The following INPP4B variants were observed in gnomAD, a reference collection of about 807,000 sequenced individuals.
The protein encoded by INPP4B is inositol polyphosphate 4-phosphatase type II.
INPP4B carries 55 observed loss-of-function variants against 122.5 expected under a neutral mutation model. The ratio of observed to expected loss-of-function variants is 0.45; its 90% CI spans 0.36 to 0.56. The LOEUF is 0.56. Among genes scored for constraint, INPP4B ranks in the 20% least tolerant of loss-of-function variants. The pLI, the probability that INPP4B is intolerant of heterozygous loss-of-function variation, is 0.00. For missense variants in INPP4B, 1,000 were observed against 1,097.7 expected (o/e 0.91, Z 1.26); for synonymous variants, 403 against 388.7 (o/e 1.04, Z -0.43).
At chr4:142,481,769 G>A (rs1449490720) in intron 2 of INPP4B, among the ~76,000 whole-genome samples, 1 of 152,088 alleles carries the variant, frequency 6.6e-6, no homozygotes, top group African/African-American at 2.4e-5. Context: ...CCAATAGATG[G>A]TTCTGTGATA....
intron 2 of INPP4B, among the ~76,000 whole-genome samples, chr4:142,622,394 C>T (rs577977243): frequency 1.7e-4 from 26 of 151,502 alleles, no homozygotes; most frequent in Non-Finnish European, 2.5e-4. Context: ...CAGGTGCTCC[C>T]AACATCTCAG....
At chr4:142,271,451 A>G (rs1365101510) in intron 9 of INPP4B, among the ~76,000 whole-genome samples, 4 of 152,224 alleles carry the variant, frequency 2.6e-5, no homozygotes, top group African/African-American at 9.6e-5. Flanking sequence ...TGAGATACCT[A>G]TGTGTCTATC....
intron 2 of INPP4B, among the ~76,000 whole-genome samples, chr4:142,630,785 C>T (rs968079496): frequency 6.6e-6 from 1 of 152,094 alleles, no homozygotes; most frequent in Non-Finnish European, 1.5e-5. Context: ...GTACAGTACA[C>T]TTACCTACTA....
intron 11 of INPP4B, among the ~76,000 whole-genome samples, chr4:142,257,461 G>T (rs1736895304): frequency 6.6e-6 from 1 of 152,066 alleles, no homozygotes; most frequent in Non-Finnish European, 1.5e-5. Context: ...AAACCCCATG[G>T]TCTCAGCCCA....
chr4:142,337,653 T>C (rs2151634881), intron 7 of INPP4B, among the ~76,000 whole-genome samples: 1 of 146,218 alleles, frequency 6.8e-6, no homozygotes, highest in Admixed American at 6.9e-5. Flanking sequence ...CTCATCTTAA[T>C]TTGTAGGCAT....
intron 18 of INPP4B, among the ~76,000 whole-genome samples, chr4:142,130,828 C>A (rs951717811): frequency 1.3e-5 from 2 of 152,200 alleles, no homozygotes; most frequent in Non-Finnish European, 2.9e-5. Flanking sequence ...CAAAGGCAAC[C>A]TTCCCTCATG....
chr4:142,065,572 T>C (rs1763094111), intron 25 of INPP4B, among the ~76,000 whole-genome samples: 1 of 152,110 alleles, frequency 6.6e-6, no homozygotes, highest in African/African-American at 2.4e-5. Flanking sequence ...CTGGAAAATG[T>C]TATGCTAAAT....
intron 3 of INPP4B, among the ~76,000 whole-genome samples, chr4:142,462,433 T>G (rs1430703907): frequency 1.3e-5 from 2 of 152,218 alleles, no homozygotes; most frequent in African/African-American, 4.8e-5. Flanking sequence ...TCTTAACATT[T>G]CTGCCTAGGC....
intron 2 of INPP4B, among the ~76,000 whole-genome samples, chr4:142,703,173 T>C (rs1762036669): frequency 6.6e-6 from 1 of 152,220 alleles, no homozygotes; most frequent in African/African-American, 2.4e-5. Context: ...TTCAAGGCCA[T>C]TTTTATCCAT....
At chr4:142,284,073 C>T (rs1752419989) in intron 9 of INPP4B, among the ~76,000 whole-genome samples, 1 of 152,124 alleles carries the variant, frequency 6.6e-6, no homozygotes, top group South Asian at 2.1e-4. Context: ...CAATATGGAG[C>T]CATTACTGAT....
chr4:142,223,827 A>G (rs1561531769), intron 12 of INPP4B, among the ~76,000 whole-genome samples: 10 of 152,334 alleles, frequency 6.6e-5, no homozygotes, highest in Admixed American at 5.2e-4. Flanking sequence ...CCCTGATGTG[A>G]TATCTTTAAT....
At chr4:142,674,666 ACAGT>A (rs1371757122) in intron 2 of INPP4B, among the ~76,000 whole-genome samples, 1 of 152,194 alleles carries the variant, frequency 6.6e-6, no homozygotes, top group Non-Finnish European at 1.5e-5. Context: ...GGAAATTATA[ACAGT>A]CTCTCAGAAT....
chr4:142,253,004 T>C (rs749184045), intron 11 of INPP4B, among the ~76,000 whole-genome samples: 1 of 152,232 alleles, frequency 6.6e-6, no homozygotes, highest in Non-Finnish European at 1.5e-5. Flanking sequence ...GTATCGCCTA[T>C]TGCTCCTAGG....
At chr4:142,809,971 A>G (rs1580971641) in intron 1 of INPP4B, among the ~76,000 whole-genome samples, 1 of 152,050 alleles carries the variant, frequency 6.6e-6, no homozygotes, top group South Asian at 2.1e-4. Context: ...GGAGTTCAAC[A>G]CCAGCCTGGC....
At chr4:142,794,356 T>G (rs1176349230) in intron 1 of INPP4B, among the ~76,000 whole-genome samples, 1 of 151,976 alleles carries the variant, frequency 6.6e-6, no homozygotes, top group Non-Finnish European at 1.5e-5. Flanking sequence ...ATATGGAAGC[T>G]TGATTTATTA....
intron 3 of INPP4B, among the ~76,000 whole-genome samples, chr4:142,439,738 TG>T (rs1466670447): frequency 1.6e-4 from 25 of 152,346 alleles, no homozygotes; most frequent in Admixed American, 3.3e-4. Context: ...GAGCCAGTTA[TG>T]GAGTTGAGTT....
intron 9 of INPP4B, among the ~76,000 whole-genome samples, chr4:142,304,779 G>A (rs1429872920): frequency 1.3e-5 from 2 of 152,064 alleles, no homozygotes; most frequent in Non-Finnish European, 2.9e-5. Flanking sequence ...AATTATGAAA[G>A]TTACTATATG....
chr4:142,191,082 A>G (rs1835605585), intron 15 of INPP4B, among the ~76,000 whole-genome samples: 1 of 152,184 alleles, frequency 6.6e-6, no homozygotes, highest in Admixed American at 6.5e-5. Flanking sequence ...AAGTAAATGC[A>G]ATCTATTTTA....
At chr4:142,044,782 A>G (rs894539230) in intron 25 of INPP4B, among the ~76,000 whole-genome samples, 1 of 152,178 alleles carries the variant, frequency 6.6e-6, no homozygotes, top group Non-Finnish European at 1.5e-5. Context: ...GGAGAACAAA[A>G]GTTATTTCAG....
Sources: allele counts gnomAD v4.1 joint callset (sites outside exome capture counted in the v4.1 genomes callset), GRCh38; gene constraint gnomAD v4.1.1; transcripts MANE v1.5; gene names NCBI Gene and HGNC (gene_info 2026-07-23, HGNC 2026-07-21).